Variants in CHST12 observed in about 807,000 individuals in gnomAD.
CHST12 encodes the protein carbohydrate (chondroitin 4) sulfotransferase 12.
A neutral mutation model predicts 27.9 loss-of-function variants in CHST12; 23 were observed. The ratio of observed to expected loss-of-function variants is 0.82; its 90% CI spans 0.59 to 1.17. The LOEUF (loss-of-function observed/expected upper bound fraction) is 1.17, where lower values mean the gene tolerates loss of function less well. Ranked by LOEUF, CHST12 falls within the 50% of genes most tolerant of loss-of-function variation. The pLI, the probability that CHST12 is intolerant of heterozygous loss-of-function variation, is 0.00. For missense variants in CHST12, 682 were observed against 603.0 expected (o/e 1.13, Z -1.37); for synonymous variants, 322 against 273.0 (o/e 1.18, Z -1.77).
chr7:2,414,842 A>G (rs1343207099), intron 1 of CHST12, among the ~76,000 whole-genome samples: 1 of 152,176 alleles, frequency 6.6e-6, no homozygotes, highest in Admixed American at 6.5e-5. Context: ...GCAGATATCC[A>G]GTTGTTTCAG....
At position 2,441,627 on chromosome 7, in the gene CHST12, A is replaced by C. The variant is rs1290689178; in HGVS notation, c.*7743A>C. 1 of 143,216 alleles carries C rather than the reference A, an allele frequency of 7.0e-6. No homozygotes were observed. The highest frequency in any genetic ancestry group is 1.5e-5 in the Non-Finnish European group (1 of 66,812). The allele number at this position is 143,216 out of a possible 1,614,324, so 8.9% of individuals were successfully genotyped here. ...AGGATCGCTTGAGTCTGGGAGGTCGAGGCTGCTGTGAGCCATGATTGCACC... is the reference window on the plus strand; with the variant it reads ...AGGATCGCTTGAGTCTGGGAGGTCGCGGCTGCTGTGAGCCATGATTGCACC... On this transcript the variant is annotated 3_prime_UTR_variant, in exon 2 of 2. Coordinates refer to ENST00000618655, the MANE Select transcript of CHST12 (RefSeq NM_018641.5).
chr7:2,409,635 A>G (rs1002560406), intron 1 of CHST12, among the ~76,000 whole-genome samples: 1 of 152,118 alleles, frequency 6.6e-6, no homozygotes, highest in African/African-American at 2.4e-5. Flanking sequence ...GAAAAAAAAA[A>G]AAAAAGAATC....
At chr7:2,409,041 T>C (rs1031433667) in intron 1 of CHST12, among the ~76,000 whole-genome samples, 1 of 152,216 alleles carries the variant, frequency 6.6e-6, no homozygotes, top group Admixed American at 6.5e-5. Context: ...AACACAAGGC[T>C]GTTATTAGTT....
chr7:2,420,421 ATC>A (rs1246220933), intron 1 of CHST12, among the ~76,000 whole-genome samples: 1 of 152,090 alleles, frequency 6.6e-6, no homozygotes, highest in African/African-American at 2.4e-5. Flanking sequence ...TTGTCTGTTC[ATC>A]TGTCGCGAAC....
At chr7:2,417,210 G>A (rs1781833623) in intron 1 of CHST12, among the ~76,000 whole-genome samples, 2 of 151,022 alleles carry the variant, frequency 1.3e-5, no homozygotes, top group South Asian at 4.2e-4. Context: ...AGAGAGAGTT[G>A]ATTCTCTTAC....
chr7:2,426,344 T>C (rs1459728546), intron 1 of CHST12, among the ~76,000 whole-genome samples: 1 of 152,170 alleles, frequency 6.6e-6, no homozygotes, highest in African/African-American at 2.4e-5. Context: ...ACCATGTGCA[T>C]GCACGTGGTG....
intron 1 of CHST12, among the ~76,000 whole-genome samples, chr7:2,417,398 T>C (rs1473533795): frequency 6.7e-6 from 1 of 149,546 alleles, no homozygotes; most frequent in Non-Finnish European, 1.5e-5. Flanking sequence ...TTTTTTTTTT[T>C]TTTTTTTTTG....
intron 1 of CHST12, among the ~76,000 whole-genome samples, chr7:2,407,145 A>G (rs1781546626): frequency 6.6e-6 from 1 of 152,212 alleles, no homozygotes; most frequent in South Asian, 2.1e-4. Flanking sequence ...GTGGCAAATG[A>G]GAGAAAAAAG....
intron 1 of CHST12, among the ~76,000 whole-genome samples, chr7:2,416,010 T>C (rs904480956): frequency 6.6e-6 from 1 of 152,218 alleles, no homozygotes; most frequent in African/African-American, 2.4e-5. Context: ...TTGATAACAT[T>C]TTACTTATAG....
At chr7:2,430,598 A>T (rs986939802) in intron 1 of CHST12, among the ~76,000 whole-genome samples, 2 of 151,648 alleles carry the variant, frequency 1.3e-5, no homozygotes, top group Admixed American at 1.3e-4. Flanking sequence ...GATTACAGGC[A>T]TAAGCCACCA....
Position 2,433,152 on chromosome 7 carries a change from C to T in CHST12, c.513C>T (p.Pro171=). The change falls in exon 2 of 2, where the codon CCC becomes CCT. Residue 171 remains proline, a synonymous_variant. Coordinates refer to ENST00000618655, the MANE Select transcript of CHST12 (RefSeq NM_018641.5). The surrounding 1 kb of genome is among the most constrained non-coding windows in gnomAD (Gnocchi z 6.1). The part of the protein sequence containing the change: ...DRHGAIYCYV[P]KVACTNWKRV... ...ACGGGGCCATCTACTGCTACGTGCC[C>T]AAGGTGGCCTGCACCAACTGGAAGC... 2 of 1,612,914 alleles carry T rather than the reference C, an allele frequency of 1.2e-6. No homozygotes were observed. The highest frequency in any genetic ancestry group is 1.7e-6 in the Non-Finnish European group (2 of 1,179,506).
At position 2,433,311 on chromosome 7, in the gene CHST12, G is replaced by A; in HGVS notation, c.672G>A (p.Gly224=). The A allele has an allele frequency of 6.2e-7, 1 of 1,612,632 alleles. No homozygotes were observed. The highest frequency in any genetic ancestry group is 1.3e-5 in the African/African-American group (1 of 75,036). ...TCAACAAGTTCTGGCGCCGCTACGG[G>A]AAGCTCTCCCGCCACCTCATGAAGG... ...LTFNKFWRRY[G]KLSRHLMKVK... is the part of the protein sequence containing the mutation. The change falls in exon 2 of 2, where the codon GGG becomes GGA. Residue 224 remains glycine (G), a synonymous_variant. Transcript: ENST00000618655. This position sits in a 1 kb window ranked among gnomAD's most constrained non-coding sequence, Gnocchi z 6.1.
rs146973192 is a variant in CHST12 at position 2,420,398 on chromosome 7, G to A, written c.-77-12165G>A. 1.5e-3 allele frequency among the ~76,000 whole-genome samples: 235 copies of A among 152,288 alleles called. 4 individuals carry two copies. The South Asian group carries it at 0.031, about 20-fold the overall frequency. On this transcript the variant is annotated intron_variant, in intron 1 of 1. Transcript: ENST00000618655. ...TGAGTAATATTCTACTACATGGGTT[G>A]ACCACAGTTTGCTTGTCTGTTCATC... is the stretch of plus-strand genomic sequence containing the variant.
At chr7:2,429,236 A>G (rs1369369022) in intron 1 of CHST12, among the ~76,000 whole-genome samples, 4 of 152,142 alleles carry the variant, frequency 2.6e-5, no homozygotes, top group Admixed American at 6.6e-5. Context: ...TTCCATAGCA[A>G]TAGTTTCAGG....
intron 1 of CHST12, among the ~76,000 whole-genome samples, chr7:2,430,099 G>A (rs1782236418): frequency 6.6e-6 from 1 of 151,728 alleles, no homozygotes; most frequent in Non-Finnish European, 1.5e-5. Flanking sequence ...GCTTTCTAAT[G>A]CTCTTGGCAC....
chr7:2,433,218 T>G lies in CHST12; in HGVS notation c.579T>G (p.Gly193=). 5.0e-6 allele frequency: 8 copies of G among 1,612,496 alleles called. No individual in the cohort carries two copies. Among genetic ancestry groups the G allele is most frequent in the Non-Finnish European group, 6.8e-6 (8 of 1,179,442 alleles). The part of the protein sequence containing the change: ...IVLSGSLLHR[G]APYRDPLRIP... ...TGAGCGGAAGCCTGCTGCACCGCGG[T>G]GCGCCCTACCGCGACCCGCTGCGCA... Residue 193 remains glycine, a synonymous_variant, in exon 2 of 2, where the codon GGT becomes GGG. Transcript: ENST00000618655. This position sits in a 1 kb window ranked among gnomAD's most constrained non-coding sequence, Gnocchi z 6.1.
In CHST12 at chr7:2,445,474, G is replaced by C. The variant is rs905879181; in HGVS notation, c.*11590G>C. Reference sequence around the variant, plus strand: ...ACGGGCCTCTTTCTTTTTCCTTTTTGAGACGGAATCTCACTGTGTCGCCCA... The same window carrying C: ...ACGGGCCTCTTTCTTTTTCCTTTTTCAGACGGAATCTCACTGTGTCGCCCA... On this transcript the variant is annotated 3_prime_UTR_variant, in exon 2 of 2. Coordinates refer to ENST00000618655, the MANE Select transcript of CHST12 (RefSeq NM_018641.5). 6 of 152,278 alleles carry C rather than the reference G, an allele frequency of 3.9e-5. No homozygotes were observed. Among genetic ancestry groups the C allele is most frequent in the African/African-American group, 1.4e-4 (6 of 41,546 alleles). The allele number at this position is 152,278 out of a possible 1,614,324, so 9.4% of individuals were successfully genotyped here.
intron 1 of CHST12, among the ~76,000 whole-genome samples, chr7:2,423,731 C>G (rs1270613774): frequency 1.3e-5 from 2 of 152,186 alleles, no homozygotes; most frequent in African/African-American, 4.8e-5. Flanking sequence ...TGGAAGCCCA[C>G]CACCCTCTGT....
At chr7:2,426,433 G>C (rs2115427371) in intron 1 of CHST12, among the ~76,000 whole-genome samples, 1 of 152,264 alleles carries the variant, frequency 6.6e-6, no homozygotes, top group African/African-American at 2.4e-5. Context: ...CCCCAAATAA[G>C]CACACAGTTG....
Sources: allele counts gnomAD v4.1 joint callset (sites outside exome capture counted in the v4.1 genomes callset), GRCh38; gene constraint gnomAD v4.1.1; non-coding constraint Gnocchi (gnomAD v3.1); transcripts MANE v1.5; gene names NCBI Gene and HGNC (gene_info 2026-07-23, HGNC 2026-07-21).